LYPLAL1: variants seen among roughly 807,000 people sequenced by gnomAD.
The protein encoded by LYPLAL1 is lysophospholipase-like protein 1.
A neutral mutation model predicts 19.7 loss-of-function variants in LYPLAL1; 23 were observed. The observed-to-expected ratio is 1.17, with a 90% confidence interval of 0.84 to 1.65. The LOEUF (loss-of-function observed/expected upper bound fraction) is 1.65, where lower values mean the gene tolerates loss of function less well. Ranked by LOEUF, LYPLAL1 falls within the 40% of genes most tolerant of loss-of-function variation. LYPLAL1 has a pLI of 0.00. For synonymous variants in LYPLAL1, 119 were observed against 96.3 expected (o/e 1.24, Z -1.38); for missense variants, 355 against 279.4 (o/e 1.27, Z -1.93).
At chr1:219,377,787 T>C in the LYPLAL1 span, among the ~76,000 whole-genome samples, 2 of 152,246 alleles carry the variant, frequency 1.3e-5, no homozygotes, top group Non-Finnish European at 2.9e-5. Context: ...CATCTTGTTC[T>C]CTATCACAAA....
the LYPLAL1 span, among the ~76,000 whole-genome samples, chr1:219,343,840 G>A: frequency 1.5e-4 from 23 of 150,230 alleles, no homozygotes; most frequent in Admixed American, 4.0e-4. Context: ...CTTTGCCTTC[G>A]CATATCTACC....
the LYPLAL1 span, among the ~76,000 whole-genome samples, chr1:219,434,383 A>C: frequency 6.6e-6 from 1 of 152,232 alleles, no homozygotes; most frequent in African/African-American, 2.4e-5. Context: ...ATCCCATAAA[A>C]GGCCTGGAGC....
the LYPLAL1 span, among the ~76,000 whole-genome samples, chr1:219,443,762 G>T: frequency 1.3e-5 from 2 of 151,860 alleles, no homozygotes; most frequent in Non-Finnish European, 2.9e-5. Context: ...AAAGGAAGGT[G>T]AGCTACACAT....
chr1:219,320,644 A>G, the LYPLAL1 span, among the ~76,000 whole-genome samples: 3 of 151,666 alleles, frequency 2.0e-5, no homozygotes, highest in African/African-American at 4.8e-5. Context: ...CCTGTGTCCA[A>G]GTGTTCTCAT....
chr1:219,257,905 C>T, the LYPLAL1 span, among the ~76,000 whole-genome samples: 3 of 151,986 alleles, frequency 2.0e-5, no homozygotes, highest in East Asian at 5.8e-4. Flanking sequence ...CCACATAAGA[C>T]AGACACTCCC....
At chr1:219,430,197 G>C in the LYPLAL1 span, among the ~76,000 whole-genome samples, 1 of 151,502 alleles carries the variant, frequency 6.6e-6, no homozygotes, top group Non-Finnish European at 1.5e-5. Context: ...CAGAGGCTGA[G>C]GTGGGAGGAT....
chr1:219,214,210 A>C (rs903877306), downstream of LYPLAL1, among the ~76,000 whole-genome samples: 1 of 152,086 alleles, frequency 6.6e-6, no homozygotes, highest in Non-Finnish European at 1.5e-5. Flanking sequence ...TTAGCTTTGC[A>C]TTCCTGAAAT....
chr1:219,417,993 C>T, the LYPLAL1 span, among the ~76,000 whole-genome samples: 13 of 152,326 alleles, frequency 8.5e-5, no homozygotes, highest in South Asian at 4.1e-4. Context: ...TCCCCCTGCC[C>T]AGGATACTTA....
chr1:219,328,860 A>G, the LYPLAL1 span, among the ~76,000 whole-genome samples: 1 of 152,130 alleles, frequency 6.6e-6, no homozygotes, highest in Non-Finnish European at 1.5e-5. Flanking sequence ...GGATTGACTA[A>G]AATTGCAAAA....
chr1:219,236,805 A>G, the LYPLAL1 span, among the ~76,000 whole-genome samples: 457 of 152,302 alleles, frequency 3.0e-3, 8 homozygotes, highest in East Asian at 0.057. Context: ...CAGGTTTGTT[A>G]CATAGGTAAA....
At chr1:219,262,395 G>T in the LYPLAL1 span, among the ~76,000 whole-genome samples, 2 of 151,994 alleles carry the variant, frequency 1.3e-5, no homozygotes, top group Non-Finnish European at 2.9e-5. Context: ...TCTTTTGGGG[G>T]TGTTATAAAA....
chr1:219,241,338 A>T, the LYPLAL1 span, among the ~76,000 whole-genome samples: 1 of 151,660 alleles, frequency 6.6e-6, no homozygotes, highest in African/African-American at 2.4e-5. Flanking sequence ...TTATTATATT[A>T]TCTATTGACA....
chr1:219,238,443 G>C, the LYPLAL1 span, among the ~76,000 whole-genome samples: 1 of 150,512 alleles, frequency 6.6e-6, no homozygotes, highest in Admixed American at 6.6e-5. Context: ...GAGCCACTGC[G>C]CCCGGCCTAA....
At chr1:219,288,677 G>A in the LYPLAL1 span, among the ~76,000 whole-genome samples, 1 of 152,178 alleles carries the variant, frequency 6.6e-6, no homozygotes, top group East Asian at 1.9e-4. Context: ...ATGTGCCAAT[G>A]TCGTTTCATC....
At chr1:219,192,958 C>A (rs1244850262) in intron 2 of LYPLAL1, 124 bp from the exon 3 acceptor site, 3 of 977,768 alleles carry the variant, frequency 3.1e-6, no homozygotes, top group Non-Finnish European at 4.3e-6. Context: ...ATGCATTTAA[C>A]TTATAAAACT....
chr1:219,315,654 A>G, the LYPLAL1 span, among the ~76,000 whole-genome samples: 1 of 152,192 alleles, frequency 6.6e-6, no homozygotes, highest in African/African-American at 2.4e-5. Flanking sequence ...ATGTTCACCA[A>G]CCCACCTCCA....
At chr1:219,214,951 A>G (rs1659234304), downstream of LYPLAL1, among the ~76,000 whole-genome samples, 1 of 152,044 alleles carries the variant, frequency 6.6e-6, no homozygotes, top group Non-Finnish European at 1.5e-5. Context: ...TGGCCTCCCA[A>G]AGTGCTGGAT....
chr1:219,264,222 C>T, the LYPLAL1 span, among the ~76,000 whole-genome samples: 4 of 152,166 alleles, frequency 2.6e-5, no homozygotes, highest in Non-Finnish European at 2.9e-5. Context: ...TGAATATTTA[C>T]TACTGGCAGT....
the LYPLAL1 span, among the ~76,000 whole-genome samples, chr1:219,439,475 C>T: frequency 6.6e-6 from 1 of 152,180 alleles, no homozygotes; most frequent in African/African-American, 2.4e-5. Context: ...CATTCCTACT[C>T]TCCAAAACAA....
Sources: gnomAD v4.1 joint callset for allele counts (sites outside exome capture counted in the v4.1 genomes callset) on GRCh38, gnomAD v4.1.1 for gene constraint, MANE v1.5 for transcripts, NCBI Gene and HGNC (gene_info 2026-07-23, HGNC 2026-07-21) for gene names.